ZYG11B: variants seen among roughly 807,000 people sequenced by gnomAD.
ZYG11B encodes zyg-11 family member B, cell cycle regulator.
A neutral mutation model predicts 82.4 loss-of-function variants in ZYG11B; 36 were observed. That is an observed-to-expected ratio of 0.44 (90% CI 0.33 to 0.58). ZYG11B has a LOEUF of 0.58. Among genes scored for constraint, ZYG11B ranks in the 20% least tolerant of loss-of-function variants. ZYG11B has a pLI of 0.02. For missense variants in ZYG11B, 552 were observed against 895.6 expected, an observed-to-expected ratio of 0.62 and a Z score of 4.90; for synonymous variants, 303 against 312.8, an observed-to-expected ratio of 0.97 and a Z score of 0.33.
chr1:52,780,055 G>T, intron 4 of ZYG11B, 62 bp downstream of exon 4: 2 of 1,518,158 alleles, frequency 1.3e-6, no homozygotes. Context: ...ATGATTTTTT[G>T]AAGAAAATTG....
At chr1:52,738,336 G>A (rs1161116591) in intron 1 of ZYG11B, among the ~76,000 whole-genome samples, 1 of 151,882 alleles carries the variant, frequency 6.6e-6, no homozygotes, top group African/African-American at 2.4e-5. Flanking sequence ...TTGACACCAT[G>A]CCCGGCTAAT....
chr1:52,771,538 C>T lies in ZYG11B; in HGVS notation c.715C>T (p.Leu239=). ...ILDVVRELKH[L]NHLDISDDKQ... is the part of the protein sequence containing the mutation. ...GGATGTAGTTCGGGAACTCAAACAT[C>T]TGAATCATCTTGATATCTCAGATGA... The change falls in exon 3 of 14, where the codon CTG becomes TTG. Residue 239 remains leucine (L), a synonymous_variant. Transcript: ENST00000294353. This position sits in a 1 kb window ranked among gnomAD's most constrained non-coding sequence, Gnocchi z 5.4. 2 of 1,614,092 alleles carry T rather than the reference C, an allele frequency of 1.2e-6. No individual in the cohort carries two copies. The highest frequency in any genetic ancestry group is 8.5e-7 in the Non-Finnish European group (1 of 1,179,986).
In ZYG11B at chr1:52,801,052, G is replaced by A. The variant is rs550222810; in HGVS notation, c.1486-767G>A. Among the ~76,000 whole-genome samples, 4 of 151,994 alleles carry A rather than the reference G, an allele frequency of 2.6e-5. No homozygotes were observed. In the South Asian group the frequency reaches 8.3e-4, roughly 32 times the overall value. On this transcript the variant is annotated intron_variant, in intron 8 of 13. Transcript: ENST00000294353. ...TACTTTTCAAACATAAATTTTTTAGGGTAAAGCTATGATAGAACTAATTTG... is the reference window on the plus strand; with the variant it reads ...TACTTTTCAAACATAAATTTTTTAGAGTAAAGCTATGATAGAACTAATTTG...
At chr1:52,814,536 T>C (rs1645208122) in intron 12 of ZYG11B, among the ~76,000 whole-genome samples, 1 of 152,286 alleles carries the variant, frequency 6.6e-6, no homozygotes, top group African/African-American at 2.4e-5. Context: ...AATACCGTTA[T>C]GCCAAATGTC....
At chr1:52,788,689 C>T (rs758936676) in intron 5 of ZYG11B, among the ~76,000 whole-genome samples, 6 of 152,054 alleles carry the variant, frequency 3.9e-5, no homozygotes, top group African/African-American at 7.2e-5. Flanking sequence ...ATGATTGTGC[C>T]GCTGCATTCC....
intron 10 of ZYG11B, among the ~76,000 whole-genome samples, chr1:52,804,194 T>C (rs7522364): frequency 0.037 from 5,658 of 152,186 alleles, 326 homozygotes; most frequent in African/African-American, 0.13. Context: ...TGCAGTGAGC[T>C]GTGCTCATCC....
intron 12 of ZYG11B, among the ~76,000 whole-genome samples, 187 bp from the exon 13 acceptor site, chr1:52,816,345 T>C (rs1370298045): frequency 6.6e-6 from 1 of 152,220 alleles, no homozygotes; most frequent in African/African-American, 2.4e-5. Flanking sequence ...TCTTCTGTAC[T>C]GAGTCATGTC....
At chr1:52,767,214 ATGTTATTTTATTT>A (rs762851334) in intron 2 of ZYG11B, among the ~76,000 whole-genome samples, 190 of 144,202 alleles carry the variant, frequency 1.3e-3, no homozygotes, top group South Asian at 3.5e-3. Flanking sequence ...TTGTTATTTT[ATGTTATTTTATTT>A]TGTTATTTTA....
At chr1:52,798,663 A>T (rs1032238541) in intron 8 of ZYG11B, among the ~76,000 whole-genome samples, 1 of 152,204 alleles carries the variant, frequency 6.6e-6, no homozygotes, top group African/African-American at 2.4e-5. Context: ...TTTGTTATTT[A>T]TATAGAAAAT....
intron 12 of ZYG11B, among the ~76,000 whole-genome samples, chr1:52,814,976 G>T (rs527987804): frequency 6.6e-6 from 1 of 152,152 alleles, no homozygotes; most frequent in Non-Finnish European, 1.5e-5. Flanking sequence ...TGGCCAACAT[G>T]TTGAAACCCC....
intron 10 of ZYG11B, among the ~76,000 whole-genome samples, chr1:52,811,734 A>G (rs1292095727): frequency 6.6e-6 from 1 of 151,480 alleles, no homozygotes; most frequent in African/African-American, 2.4e-5. Flanking sequence ...AATTTCTATA[A>G]TTTACATTTA....
intron 2 of ZYG11B, among the ~76,000 whole-genome samples, 195 bp downstream of exon 2, chr1:52,756,818 T>C (rs1644580967): frequency 6.7e-6 from 1 of 148,546 alleles, no homozygotes; most frequent in Non-Finnish European, 1.5e-5. Context: ...CATTTTTCTT[T>C]TTTTTTTTTT....
chr1:52,768,692 T>G (rs1024618658), intron 2 of ZYG11B, among the ~76,000 whole-genome samples: 4 of 151,654 alleles, frequency 2.6e-5, no homozygotes, highest in Non-Finnish European at 5.9e-5. Context: ...CCTCCCAAGT[T>G]CGAGTGATTC....
intron 4 of ZYG11B, among the ~76,000 whole-genome samples, chr1:52,784,372 A>C (rs988204734): frequency 6.6e-6 from 1 of 152,184 alleles, no homozygotes; most frequent in Non-Finnish European, 1.5e-5. Context: ...GTGTAGTTGA[A>C]AGCAAGATCT....
At chr1:52,796,458 C>T in intron 7 of ZYG11B, 67 bp downstream of exon 7, 1 of 1,322,656 alleles carries the variant, frequency 7.6e-7, no homozygotes, top group Non-Finnish European at 1.1e-6. Context: ...CTGTTTCCCC[C>T]CAAAAGCTGT....
intron 2 of ZYG11B, among the ~76,000 whole-genome samples, chr1:52,763,311 AT>A (rs1453220905): frequency 6.6e-6 from 1 of 151,948 alleles, no homozygotes. Flanking sequence ...ATTTTAAGAT[AT>A]TTTTTCTATT....
chr1:52,795,606 G>A (rs188484035), intron 6 of ZYG11B, among the ~76,000 whole-genome samples: 205 of 152,104 alleles, frequency 1.3e-3, no homozygotes, highest in Admixed American at 3.1e-3. Context: ...CCTCTGCCTG[G>A]AATGCTTGTC....
intron 5 of ZYG11B, among the ~76,000 whole-genome samples, chr1:52,786,004 AG>A (rs1201944492): frequency 6.6e-6 from 1 of 152,256 alleles, no homozygotes; most frequent in East Asian, 1.9e-4. Context: ...TCTTACAAAA[AG>A]GGAGCTATAA....
At chr1:52,767,096 TTTG>T (rs1218684284) in intron 2 of ZYG11B, among the ~76,000 whole-genome samples, 3 of 150,558 alleles carry the variant, frequency 2.0e-5, no homozygotes, top group African/African-American at 7.4e-5. Flanking sequence ...GTTATATTAT[TTTG>T]TTATGTTTTA....
Sources: gnomAD v4.1 joint callset for allele counts (sites outside exome capture counted in the v4.1 genomes callset) on GRCh38, gnomAD v4.1.1 for gene constraint, Gnocchi (gnomAD v3.1) non-coding constraint, MANE v1.5 for transcripts, NCBI Gene and HGNC (gene_info 2026-07-23, HGNC 2026-07-21) for gene names.